KANSL1L: variants seen among roughly 807,000 people sequenced by gnomAD.
The protein encoded by KANSL1L is KAT8 regulatory NSL complex subunit 1 like, also known as KAT8 regulatory NSL complex subunit 1-like protein.
Under a neutral mutation model 108.6 loss-of-function variants are expected in KANSL1L, and 25 were observed. That is an observed-to-expected ratio of 0.23 (90% confidence interval 0.17 to 0.32). KANSL1L has a LOEUF of 0.32. Ranked by LOEUF, KANSL1L falls within the 10% of genes least tolerant of loss-of-function variation. The pLI is 1.00. For missense variants in KANSL1L, 1,137 were observed against 1,125.7 expected, an observed-to-expected ratio of 1.01 and a Z score of -0.14; for synonymous variants, 405 against 395.1, an observed-to-expected ratio of 1.03 and a Z score of -0.30.
intron 1 of KANSL1L, among the ~76,000 whole-genome samples, chr2:210,162,150 T>C (rs2095364735): frequency 6.8e-6 from 1 of 147,044 alleles, no homozygotes; most frequent in Non-Finnish European, 1.5e-5. Context: ...ATATGAAGAA[T>C]TGGTCTTCAT....
At chr2:210,029,432 C>G (rs2125130715) in intron 10 of KANSL1L, among the ~76,000 whole-genome samples, 1 of 152,126 alleles carries the variant, frequency 6.6e-6, no homozygotes, top group Admixed American at 6.5e-5. Flanking sequence ...CTTTTGACCT[C>G]TCTATTCCCT....
chr2:210,025,245 T>A, intron 12 of KANSL1L, 29 bp from the exon 13 acceptor site: 2 of 1,326,158 alleles, frequency 1.5e-6, no homozygotes, highest in Non-Finnish European at 2.2e-6. Context: ...ATTTTTGTTT[T>A]AATCAGAAAC....
At chr2:210,122,033 G>A (rs1452107851) in intron 3 of KANSL1L, among the ~76,000 whole-genome samples, 7 of 151,928 alleles carry the variant, frequency 4.6e-5, no homozygotes, top group African/African-American at 1.5e-4. Context: ...AGAAACTGAA[G>A]AGGATACACA....
intron 4 of KANSL1L, among the ~76,000 whole-genome samples, chr2:210,101,385 G>A (rs188818222): frequency 1.1e-3 from 161 of 152,200 alleles, no homozygotes; most frequent in Admixed American, 2.0e-3. Context: ...AAAAAACTGG[G>A]GATATCAAGG....
intron 2 of KANSL1L, chr2:210,152,616 G>A (rs1388717421): frequency 6.6e-6 from 1 of 152,180 alleles, no homozygotes; most frequent in Non-Finnish European, 1.5e-5. Context: ...CACATAATAA[G>A]CATTCAATAG....
At chr2:210,133,964 T>C (rs929952754) in intron 2 of KANSL1L, among the ~76,000 whole-genome samples, 1 of 152,152 alleles carries the variant, frequency 6.6e-6, no homozygotes. Flanking sequence ...AGTGCGTGTA[T>C]ACTGACAACT....
At chr2:210,045,288 T>C (rs1167433706) in intron 6 of KANSL1L, among the ~76,000 whole-genome samples, 1 of 151,792 alleles carries the variant, frequency 6.6e-6, no homozygotes, top group African/African-American at 2.4e-5. Context: ...TTTAATTTAT[T>C]TATTCTTTTA....
chr2:210,147,001 G>A (rs2095270701), intron 2 of KANSL1L, among the ~76,000 whole-genome samples: 2 of 152,020 alleles, frequency 1.3e-5, no homozygotes, highest in South Asian at 4.1e-4. Context: ...AAAGGATCTG[G>A]GCTAAAATCC....
chr2:210,064,844 G>GA (rs1407260278), intron 6 of KANSL1L, among the ~76,000 whole-genome samples: 1 of 148,142 alleles, frequency 6.8e-6, no homozygotes. Context: ...AAAAACACAG[G>GA]AAAAAAAATT....
chr2:210,080,606 GCCAC>G (rs2094581742), intron 5 of KANSL1L, among the ~76,000 whole-genome samples: 1 of 152,124 alleles, frequency 6.6e-6, no homozygotes, highest in Admixed American at 6.5e-5. Flanking sequence ...AACTCTTGAA[GCCAC>G]TTGCTATGTG....
In KANSL1L at chr2:210,023,186, G is replaced by A. The variant is rs1462847702; in HGVS notation, c.2734-7C>T. ...GTCGTTCCCACCACAAAGACTGAAA[G>A]GGGAAAAATTTTCAGTTAAGTTTCA... On this transcript the variant is annotated splice_region_variant and splice_polypyrimidine_tract_variant and intron_variant, in intron 14 of 14. Transcript: ENST00000281772. 1 of 1,609,672 alleles carries A rather than the reference G, an allele frequency of 6.2e-7. No homozygotes were observed. Among genetic ancestry groups the A allele is most frequent in the Non-Finnish European group, 8.5e-7 (1 of 1,176,570 alleles).
intron 4 of KANSL1L, among the ~76,000 whole-genome samples, chr2:210,099,187 T>C (rs2094768962): frequency 6.6e-6 from 1 of 152,154 alleles, no homozygotes; most frequent in Non-Finnish European, 1.5e-5. Context: ...CATGAACACA[T>C]ATACTTTTAA....
At chr2:210,045,668 G>A (rs934997201) in intron 6 of KANSL1L, among the ~76,000 whole-genome samples, 7 of 151,940 alleles carry the variant, frequency 4.6e-5, no homozygotes, top group African/African-American at 1.7e-4. Context: ...GTTTTTACTT[G>A]TCTGAAACAT....
intron 6 of KANSL1L, among the ~76,000 whole-genome samples, chr2:210,069,233 T>G (rs144314533): frequency 6.6e-6 from 1 of 152,352 alleles, no homozygotes; most frequent in African/African-American, 2.4e-5. Context: ...CCCTCCAGTT[T>G]CTAATAACGT....
At chr2:210,070,300 C>T (rs1411821247) in intron 6 of KANSL1L, among the ~76,000 whole-genome samples, 5 of 141,278 alleles carry the variant, frequency 3.5e-5, no homozygotes, top group East Asian at 2.1e-4. Context: ...GCGCGATCTC[C>T]GCTCACTGCA....
chr2:210,035,156 A>G (rs1052494633), intron 8 of KANSL1L: 1 of 152,206 alleles, frequency 6.6e-6, no homozygotes, highest in Non-Finnish European at 1.5e-5. Context: ...TTCATTGCAG[A>G]TGGCATTGCA....
intron 4 of KANSL1L, among the ~76,000 whole-genome samples, chr2:210,100,634 T>G (rs1291794230): frequency 6.6e-6 from 1 of 152,164 alleles, no homozygotes; most frequent in Non-Finnish European, 1.5e-5. Flanking sequence ...ACTATCTTCC[T>G]CAACAAGTTT....
chr2:210,025,954 A>G (rs1324007212), intron 12 of KANSL1L, among the ~76,000 whole-genome samples: 1 of 152,194 alleles, frequency 6.6e-6, no homozygotes, highest in African/African-American at 2.4e-5. Context: ...TGTTTTATTC[A>G]TTCAGGAGTT....
intron 6 of KANSL1L, among the ~76,000 whole-genome samples, chr2:210,051,590 T>C (rs2094292979): frequency 6.6e-6 from 1 of 152,212 alleles, no homozygotes; most frequent in South Asian, 2.1e-4. Flanking sequence ...ACAGTTTTAT[T>C]TCACCCTTAC....
Sources: gnomAD v4.1 joint callset for allele counts (sites outside exome capture counted in the v4.1 genomes callset) on GRCh38, gnomAD v4.1.1 for gene constraint, MANE v1.5 for transcripts, NCBI Gene and HGNC (gene_info 2026-07-23, HGNC 2026-07-21) for gene names.